The following CTNNA3 variants were observed in gnomAD, a reference collection of about 807,000 sequenced individuals.
CTNNA3 encodes the protein catenin alpha-3.
Under a neutral mutation model 95.7 loss-of-function variants are expected in CTNNA3, and 76 were observed. That is an observed-to-expected ratio of 0.79 (90% CI 0.66 to 0.96). The LOEUF (loss-of-function observed/expected upper bound fraction) is 0.96, where lower values mean the gene tolerates loss of function less well. CTNNA3 is among the 40% of genes least tolerant of loss of function. CTNNA3 has a pLI of 0.00. For synonymous variants in CTNNA3, 431 were observed against 374.4 expected (o/e 1.15, Z -1.74); for missense variants, 1,191 against 1,089.8 (o/e 1.09, Z -1.31).
chr10:67,635,956 A>G (rs758653415), intron 2 of CTNNA3, among the ~76,000 whole-genome samples: 1 of 152,240 alleles, frequency 6.6e-6, no homozygotes, highest in Non-Finnish European at 1.5e-5. Context: ...GCTGATAAGC[A>G]ACTTCAGCAA....
rs138901606 is a variant in CTNNA3, at chr10:67,199,621, G to A, written c.844-19101C>T. Reference sequence around the variant, plus strand: ...CCTGACCTCATATTCCACCCACCTCGGCCTCCCAAAGTGCTGGGATTACAG... The same window carrying A: ...CCTGACCTCATATTCCACCCACCTCAGCCTCCCAAAGTGCTGGGATTACAG... On this transcript the variant is annotated intron_variant, in intron 6 of 17. Transcript: ENST00000433211. 2.4e-3 allele frequency among the ~76,000 whole-genome samples: 367 copies of A among 152,008 alleles called. 4 individuals carry two copies. Among genetic ancestry groups the A allele is most frequent in the African/African-American group, 8.2e-3 (341 of 41,448 alleles).
intron 13 of CTNNA3, among the ~76,000 whole-genome samples, chr10:66,225,063 G>A (rs2089198319): frequency 6.6e-6 from 1 of 151,638 alleles, no homozygotes; most frequent in Non-Finnish European, 1.5e-5. Flanking sequence ...CTTTCTTCTA[G>A]CTATTTGAAA....
intron 11 of CTNNA3, among the ~76,000 whole-genome samples, chr10:66,434,389 T>C (rs532506158): frequency 8.1e-4 from 123 of 152,308 alleles, no homozygotes; most frequent in South Asian, 6.0e-3. Context: ...TCTAGGTATT[T>C]TATTCTCTTT....
chr10:67,618,692 A>G (rs537670518), intron 2 of CTNNA3, among the ~76,000 whole-genome samples: 1 of 152,340 alleles, frequency 6.6e-6, no homozygotes, highest in South Asian at 2.1e-4. Flanking sequence ...CATCAAAGAT[A>G]GTGATTAGAT....
chr10:66,439,749 T>C (rs550955325), intron 11 of CTNNA3, among the ~76,000 whole-genome samples: 1 of 152,194 alleles, frequency 6.6e-6, no homozygotes, highest in African/African-American at 2.4e-5. Context: ...CATTTTTACC[T>C]CAACAATAAA....
intron 7 of CTNNA3, among the ~76,000 whole-genome samples, chr10:67,128,595 C>G (rs1410213377): frequency 6.6e-6 from 1 of 152,162 alleles, no homozygotes; most frequent in Admixed American, 6.5e-5. Flanking sequence ...ACAGCTTTAC[C>G]CCTTTGACAA....
Position 66,732,985 on chromosome 10 carries a change from G to A in CTNNA3, c.1281+33279C>T, listed in dbSNP as rs541208970. 3.4e-4 allele frequency among the ~76,000 whole-genome samples: 52 copies of A among 151,936 alleles called. 3 individuals carry two copies. The South Asian group carries it at 4.4e-3, about 13-fold the overall frequency. Reference sequence around the variant, plus strand: ...TGATTTTTGGATTTTTAGTAGAGACGAGGTTTCACCATGTTGAACTGGCTG... The same window carrying A: ...TGATTTTTGGATTTTTAGTAGAGACAAGGTTTCACCATGTTGAACTGGCTG... On this transcript the variant is annotated intron_variant, in intron 9 of 17. Coordinates refer to ENST00000433211, the MANE Select transcript of CTNNA3 (RefSeq NM_013266.4).
At chr10:66,200,870 A>C (rs1273018484) in intron 13 of CTNNA3, among the ~76,000 whole-genome samples, 2 of 152,222 alleles carry the variant, frequency 1.3e-5, no homozygotes, top group African/African-American at 2.4e-5. Context: ...TTTCACCTAC[A>C]AATAATGATT....
rs139460414 is a variant in CTNNA3, at chr10:67,180,405, G to A, written c.959C>T (p.Thr320Met). Residue 320 changes from threonine (T) to methionine (M), a missense_variant, in exon 7 of 18, where the codon ACG becomes ATG. Coordinates refer to ENST00000433211, the MANE Select transcript of CTNNA3 (RefSeq NM_013266.4). ...AATCCGCTCTCGGTGTAAGTCCCTC[G>A]TACATGAAGAATCCGCCAGCAGAGC... ...GAALLADSSC[T>M]RDLHRERIIA... 6.4e-5 allele frequency: 104 copies of A among 1,613,638 alleles called. No homozygotes were observed. The highest frequency in any genetic ancestry group is 1.3e-4 in the South Asian group (12 of 91,070).
At chr10:67,575,867 T>C (rs536938416) in intron 3 of CTNNA3, among the ~76,000 whole-genome samples, 20 of 152,320 alleles carry the variant, frequency 1.3e-4, no homozygotes, top group South Asian at 1.2e-3. Context: ...TATTTCTGTC[T>C]CTGTGAAGTC....
At chr10:66,249,844 CAA>C (rs1564810625) in intron 13 of CTNNA3, among the ~76,000 whole-genome samples, 3 of 152,000 alleles carry the variant, frequency 2.0e-5, no homozygotes, top group Admixed American at 6.6e-5. Context: ...AAGAAACAAA[CAA>C]ACAAAAACTA....
intron 5 of CTNNA3, among the ~76,000 whole-genome samples, chr10:67,385,531 T>C (rs1210310645): frequency 6.6e-6 from 1 of 152,212 alleles, no homozygotes; most frequent in Non-Finnish European, 1.5e-5. Flanking sequence ...CAAACTCTAA[T>C]AGAATAAAGT....
chr10:67,133,306 G>GAT lies in CTNNA3; in HGVS notation c.1047+47009_1047+47010dup, dbSNP rs56800232. Among the ~76,000 whole-genome samples, 466 of 97,660 alleles carry GAT rather than the reference G, an allele frequency of 4.8e-3. 27 individuals are homozygous for GAT. Among genetic ancestry groups the GAT allele is most frequent in the African/African-American group, 9.1e-3 (242 of 26,474 alleles). 64.1% of individuals were successfully genotyped at this position (97,660 alleles called of 152,430 possible). Reference sequence around the variant, plus strand: ...TAGCCTTAGCTAGAGCATATTGCCTGATATATATATATATATATTTATACA... The same window carrying GAT: ...TAGCCTTAGCTAGAGCATATTGCCTGATATATATATATATATATATTTATACA... On this transcript the variant is annotated intron_variant, in intron 7 of 17. Transcript: ENST00000433211.
At chr10:66,146,255 G>A (rs7893630) in intron 13 of CTNNA3, among the ~76,000 whole-genome samples, 27,000 of 152,142 alleles carry the variant, frequency 0.18, 2,604 homozygotes, top group Admixed American at 0.25. Flanking sequence ...GATGGCTGAA[G>A]CTAGTCAAAC....
Position 67,081,750 on chromosome 10 carries a change from T to C in CTNNA3, c.1047+98567A>G, listed in dbSNP as rs1050878305. On this transcript the variant is annotated intron_variant, in intron 7 of 17. Transcript: ENST00000433211. Reference sequence around the variant, plus strand: ...GCACTTCTGCCTAGAACAGTCTTCCTACTTTTCTCTGAATGAGTTCCTTGT... The same window carrying C: ...GCACTTCTGCCTAGAACAGTCTTCCCACTTTTCTCTGAATGAGTTCCTTGT... 7.9e-5 allele frequency among the ~76,000 whole-genome samples: 12 copies of C among 152,214 alleles called. 1 individual carries two copies. Among genetic ancestry groups the C allele is most frequent in the African/African-American group, 2.2e-4 (9 of 41,452 alleles).
At chr10:67,124,333 G>GGTGTGTGTGT (rs141981196) in intron 7 of CTNNA3, among the ~76,000 whole-genome samples, 87 of 141,870 alleles carry the variant, frequency 6.1e-4, no homozygotes, top group African/African-American at 1.2e-3. Context: ...GTGTGTTAGC[G>GGTGTGTGTGT]GTGTGTGTGT....
At chr10:67,236,592 C>T (rs1053582835) in intron 5 of CTNNA3, among the ~76,000 whole-genome samples, 2 of 151,658 alleles carry the variant, frequency 1.3e-5, no homozygotes, top group East Asian at 1.9e-4. Flanking sequence ...GGCGCGCCAA[C>T]ATGGCACATG....
At chr10:66,991,291 A>G (rs1851021051) in intron 7 of CTNNA3, among the ~76,000 whole-genome samples, 1 of 152,198 alleles carries the variant, frequency 6.6e-6, no homozygotes, top group Non-Finnish European at 1.5e-5. Flanking sequence ...ATCAAGACAT[A>G]TATTTCTAAG....
chr10:67,444,256 A>G (rs1422778923), intron 5 of CTNNA3, among the ~76,000 whole-genome samples: 1 of 152,178 alleles, frequency 6.6e-6, no homozygotes, highest in Non-Finnish European at 1.5e-5. Context: ...TGGAAACTAT[A>G]CAAACATATG....
Sources: allele counts gnomAD v4.1 joint callset (sites outside exome capture counted in the v4.1 genomes callset), GRCh38; gene constraint gnomAD v4.1.1; transcripts MANE v1.5; gene names NCBI Gene and HGNC (gene_info 2026-07-23, HGNC 2026-07-21).